Variants in ATP2A2 observed in about 807,000 individuals in gnomAD.
ATP2A2 encodes the protein sarcoplasmic/endoplasmic reticulum calcium ATPase 2.
ATP2A2 carries 14 observed loss-of-function variants against 109.3 expected under a neutral mutation model. The observed-to-expected ratio is 0.13, with a 90% CI of 0.08 to 0.20. The LOEUF is 0.20. ATP2A2 is among the 10% of genes least tolerant of loss of function. The pLI is 1.00. For missense variants in ATP2A2, 657 were observed against 1,321.6 expected (o/e 0.50, Z 7.80); for synonymous variants, 506 against 490.9 (o/e 1.03, Z -0.41).
chr12:110,288,566 G>A (rs747128657), intron 3 of ATP2A2, among the ~76,000 whole-genome samples: 2 of 151,852 alleles, frequency 1.3e-5, no homozygotes, highest in Non-Finnish European at 2.9e-5. Flanking sequence ...CACCACACTC[G>A]GCTAATTTTT....
At chr12:110,306,140 G>A (rs1049768478) in intron 5 of ATP2A2, among the ~76,000 whole-genome samples, 1 of 152,138 alleles carries the variant, frequency 6.6e-6, no homozygotes, top group Non-Finnish European at 1.5e-5. Context: ...TCGGGTTCAC[G>A]CCATTCTCCT....
intron 7 of ATP2A2, 63 bp downstream of exon 7, chr12:110,326,538 G>A (rs1044871403): frequency 1.4e-6 from 2 of 1,402,952 alleles, no homozygotes; most frequent in African/African-American, 1.4e-5. Flanking sequence ...CAAATGTTAT[G>A]TTTTTCACTG....
rs1229380406 is a variant in ATP2A2, at chr12:110,349,030, C to A, written c.*2560C>A. ...CTGCTGTCGCACAGCCCCTAGTTAG[C>A]TTCATGGTTTCTCAGCTTCAGACCC... On this transcript the variant is annotated 3_prime_UTR_variant, in exon 20 of 20. Transcript: ENST00000539276. The A allele has an allele frequency of 4.1e-6, 4 of 985,224 alleles. No individual in the cohort carries two copies. The highest frequency in any genetic ancestry group is 4.8e-6 in the Non-Finnish European group (4 of 829,976). 61.0% of individuals were successfully genotyped at this position (985,224 alleles called of 1,614,324 possible). A position where few individuals can be genotyped will look rare whatever the true frequency, so the allele number is the denominator to read the frequency against.
chr12:110,316,976 A>G (rs929813654), intron 5 of ATP2A2, among the ~76,000 whole-genome samples: 17 of 152,214 alleles, frequency 1.1e-4, no homozygotes, highest in Non-Finnish European at 2.5e-4. Flanking sequence ...TTTTAAAGAC[A>G]GTACTGTCTA....
intron 5 of ATP2A2, among the ~76,000 whole-genome samples, chr12:110,298,226 C>A (rs1159192969): frequency 2.6e-5 from 4 of 152,152 alleles, no homozygotes; most frequent in African/African-American, 9.7e-5. Flanking sequence ...TTGCCTTGTC[C>A]TATTCTCTCA....
In ATP2A2 at chr12:110,345,990, T is replaced by C; in HGVS notation, c.2742-11T>C. ...TGGGGGTGCGTTTCCCCACCTCTCC[T>C]TGCTCTGCAGCTTGTCCGAAAACCA... On this transcript the variant is annotated splice_polypyrimidine_tract_variant and intron_variant, in intron 18 of 19. Transcript: ENST00000539276. The C allele has an allele frequency of 1.9e-6, 3 of 1,614,032 alleles. No homozygotes were observed. Among genetic ancestry groups the C allele is most frequent in the Non-Finnish European group, 1.7e-6 (2 of 1,179,916 alleles).
In ATP2A2 at chr12:110,349,290, G is replaced by A; in HGVS notation, c.*2820G>A. On this transcript the variant is annotated 3_prime_UTR_variant, in exon 20 of 20. Coordinates refer to ENST00000539276, the MANE Select transcript of ATP2A2 (RefSeq NM_170665.4). The stretch of plus-strand genomic sequence containing the variant: ...GCCCTCACCTAACAGTGAGGCAGCA[G>A]CTGCCCAGCCCCGCAATGTGCCTGC... The A allele has an allele frequency of 1.0e-6, 1 of 985,550 alleles. No homozygotes were observed. The highest frequency in any genetic ancestry group is 1.7e-5 in the African/African-American group (1 of 57,380). The allele number at this position is 985,550 out of a possible 1,614,324, so 61.1% of individuals were successfully genotyped here. A position where few individuals can be genotyped will look rare whatever the true frequency, so the allele number is the denominator to read the frequency against.
intron 16 of ATP2A2, among the ~76,000 whole-genome samples, chr12:110,343,929 C>T (rs559974370): frequency 6.6e-6 from 1 of 152,162 alleles, no homozygotes; most frequent in Non-Finnish European, 1.5e-5. Context: ...GAAATCACTT[C>T]CCTGGGATCC....
At chr12:110,321,423 A>G (rs1877231099) in intron 5 of ATP2A2, among the ~76,000 whole-genome samples, 3 of 152,310 alleles carry the variant, frequency 2.0e-5, no homozygotes, top group African/African-American at 7.2e-5. Flanking sequence ...CGTAAGACTT[A>G]CAAACCACCT....
At position 110,347,965 on chromosome 12, in the gene ATP2A2, A is replaced by C; in HGVS notation, c.*1495A>C. 1 of 988,898 alleles carries C rather than the reference A, an allele frequency of 1.0e-6. No individual in the cohort carries two copies. The highest frequency in any genetic ancestry group is 4.6e-5 in the South Asian group (1 of 21,536). The allele number at this position is 988,898 out of a possible 1,614,324, so 61.3% of individuals were successfully genotyped here. A position where few individuals can be genotyped will look rare whatever the true frequency, so the allele number is the denominator to read the frequency against. On this transcript the variant is annotated 3_prime_UTR_variant, in exon 20 of 20. Transcript: ENST00000539276. Reference sequence around the variant, plus strand: ...GGCGCCTGCCATGTGACTCGGGCGCAGCATCAGCTGGCTGGAGGTGTGGCT... The same window carrying C: ...GGCGCCTGCCATGTGACTCGGGCGCCGCATCAGCTGGCTGGAGGTGTGGCT...
intron 5 of ATP2A2, among the ~76,000 whole-genome samples, chr12:110,300,181 T>C (rs1302223087): frequency 1.1e-5 from 1 of 91,996 alleles, no homozygotes; most frequent in Non-Finnish European, 2.0e-5. Flanking sequence ...TTTCTCGCTC[T>C]CTCTTTTTTT....
intron 5 of ATP2A2, among the ~76,000 whole-genome samples, chr12:110,321,135 G>A (rs1332607980): frequency 6.6e-6 from 1 of 152,224 alleles, no homozygotes; most frequent in Non-Finnish European, 1.5e-5. Context: ...GGCTGAGGCA[G>A]GGGAATCGCT....
intron 3 of ATP2A2, among the ~76,000 whole-genome samples, chr12:110,291,097 A>G (rs780115165): frequency 8.6e-5 from 13 of 151,564 alleles, no homozygotes; most frequent in Non-Finnish European, 1.8e-4. Context: ...TAGTAGAGAT[A>G]GGGTTTCTTC....
At chr12:110,304,594 C>T (rs1466023693) in intron 5 of ATP2A2, among the ~76,000 whole-genome samples, 1 of 152,072 alleles carries the variant, frequency 6.6e-6, no homozygotes, top group African/African-American at 2.4e-5. Context: ...GGAGAAATGC[C>T]TGTTTAAATT....
At position 110,282,633 on chromosome 12, in the gene ATP2A2, A is replaced by C. The variant is rs777008704; in HGVS notation, c.136+12A>C. The C allele has an allele frequency of 6.2e-7, 1 of 1,613,562 alleles. No individual in the cohort carries two copies. The highest frequency in any genetic ancestry group is 1.3e-5 in the African/African-American group (1 of 74,758). On this transcript the variant is annotated intron_variant, in intron 2 of 19. Coordinates refer to ENST00000539276, the MANE Select transcript of ATP2A2 (RefSeq NM_170665.4). The stretch of plus-strand genomic sequence containing the variant: ...ACCGGCTGAAGAAGGTAATCTTAAC[A>C]TGCTGTTTCTGTTTTTTTTCCTCTG...
intron 6 of ATP2A2, among the ~76,000 whole-genome samples, chr12:110,323,929 T>C (rs879784219): frequency 2.6e-5 from 4 of 152,344 alleles, no homozygotes; most frequent in Admixed American, 2.6e-4. Context: ...GTAATTTTTT[T>C]CACTGGAGGA....
Position 110,327,425 on chromosome 12 carries a change from G to A in ATP2A2, c.631-128G>A. The A allele has an allele frequency of 2.3e-6, 2 of 874,706 alleles. No homozygotes were observed. Among genetic ancestry groups the A allele is most frequent in the South Asian group, 2.7e-5 (2 of 74,424 alleles). 54.2% of individuals were successfully genotyped at this position (874,706 alleles called of 1,614,324 possible). A position where few individuals can be genotyped will look rare whatever the true frequency, so the allele number is the denominator to read the frequency against. On this transcript the variant is annotated intron_variant, in intron 7 of 19. Transcript: ENST00000539276. This position sits in a 1 kb window ranked among gnomAD's most constrained non-coding sequence, Gnocchi z 4.4. Reference sequence around the variant, plus strand: ...GTCACAGTTGTATGGCTGGTTGCTTGAACAGTAGCCAGTGGAAGACCTAGT... The same window carrying A: ...GTCACAGTTGTATGGCTGGTTGCTTAAACAGTAGCCAGTGGAAGACCTAGT...
chr12:110,321,040 A>T (rs573848369), intron 5 of ATP2A2, among the ~76,000 whole-genome samples: 1 of 152,220 alleles, frequency 6.6e-6, no homozygotes, highest in African/African-American at 2.4e-5. Flanking sequence ...CAGTCTGGCT[A>T]ACATAGTGAA....
intron 5 of ATP2A2, among the ~76,000 whole-genome samples, chr12:110,312,428 A>T (rs1876179262): frequency 6.6e-6 from 1 of 152,174 alleles, no homozygotes; most frequent in South Asian, 2.1e-4. Flanking sequence ...TCCCTTTGAG[A>T]ATTAATGAAA....
Sources: allele counts gnomAD v4.1 joint callset (sites outside exome capture counted in the v4.1 genomes callset), GRCh38; gene constraint gnomAD v4.1.1; non-coding constraint Gnocchi (gnomAD v3.1); transcripts MANE v1.5; gene names NCBI Gene and HGNC (gene_info 2026-07-23, HGNC 2026-07-21).